Variants in DMC1 observed in about 807,000 individuals in gnomAD.
DMC1 encodes the protein DNA meiotic recombinase 1.
A neutral mutation model predicts 50.1 loss-of-function variants in DMC1; 27 were observed. The ratio of observed to expected loss-of-function variants is 0.54; its 90% confidence interval spans 0.40 to 0.74. DMC1 has a LOEUF of 0.74. Among genes scored for constraint, DMC1 ranks in the 30% least tolerant of loss-of-function variants. DMC1 has a pLI of 0.00. For synonymous variants in DMC1, 148 were observed against 136.1 expected (o/e 1.09, Z -0.61); for missense variants, 295 against 420.2 (o/e 0.70, Z 2.60).
At chr22:38,549,129 G>T (rs1287595901) in intron 8 of DMC1, among the ~76,000 whole-genome samples, 1 of 152,042 alleles carries the variant, frequency 6.6e-6, no homozygotes, top group African/African-American at 2.4e-5. Flanking sequence ...AAAGTATCCA[G>T]TTTACACCCA....
intron 8 of DMC1, among the ~76,000 whole-genome samples, chr22:38,547,546 G>GT (rs796715582): frequency 0.013 from 1,845 of 142,778 alleles, 34 homozygotes; most frequent in African/African-American, 0.042. Flanking sequence ...ATTTGTTTTT[G>GT]TTTTTTTTTT....
chr22:38,564,398 C>T (rs369493157), intron 4 of DMC1, among the ~76,000 whole-genome samples: 1 of 152,084 alleles, frequency 6.6e-6, no homozygotes, highest in African/African-American at 2.4e-5. Flanking sequence ...CAACCTCTGC[C>T]TCTCAGTTTC....
At chr22:38,520,422 A>C (rs1447533890) in intron 13 of DMC1, among the ~76,000 whole-genome samples, 1 of 151,322 alleles carries the variant, frequency 6.6e-6, no homozygotes, top group East Asian at 1.9e-4. Context: ...CAATGGTGAG[A>C]TCTCGTCTCA....
At chr22:38,560,173 G>C (rs750621393) in intron 5 of DMC1, among the ~76,000 whole-genome samples, 1 of 152,140 alleles carries the variant, frequency 6.6e-6, no homozygotes, top group Non-Finnish European at 1.5e-5. Context: ...GTCAAATAAA[G>C]TGATCAGAGA....
At chr22:38,510,493 T>C in the DMC1 span, among the ~76,000 whole-genome samples, 3 of 152,122 alleles carry the variant, frequency 2.0e-5, no homozygotes, top group African/African-American at 7.2e-5. Flanking sequence ...TCTAGAGCGC[T>C]GAATGACAAG....
chr22:38,545,411 A>AAAAAC (rs2090332461), intron 8 of DMC1, among the ~76,000 whole-genome samples: 2 of 152,144 alleles, frequency 1.3e-5, no homozygotes, highest in African/African-American at 4.8e-5. Context: ...ACCCTGTCCC[A>AAAAAC]AAAACAAAAC....
At chr22:38,525,661 C>T (rs1231906159) in intron 12 of DMC1, among the ~76,000 whole-genome samples, 2 of 152,180 alleles carry the variant, frequency 1.3e-5, no homozygotes, top group East Asian at 3.9e-4. Flanking sequence ...AGGAATGAGG[C>T]TGGGCAGAGT....
At chr22:38,564,315 T>C (rs1024281836) in intron 4 of DMC1, among the ~76,000 whole-genome samples, 2 of 152,028 alleles carry the variant, frequency 1.3e-5, no homozygotes, top group Non-Finnish European at 2.9e-5. Flanking sequence ...CTCTCTCTCT[T>C]TTTTTTTCTT....
At chr22:38,538,232 G>C in intron 11 of DMC1, 63 bp downstream of exon 11, 2 of 1,368,450 alleles carry the variant, frequency 1.5e-6, no homozygotes, top group East Asian at 4.6e-5. Context: ...TATATTCCAA[G>C]CTTCTCTGCA....
At chr22:38,538,709 G>C in intron 9 of DMC1, 97 bp from the exon 10 acceptor site, 1 of 1,091,328 alleles carries the variant, frequency 9.2e-7, no homozygotes, top group Non-Finnish European at 1.4e-6. Context: ...TAAATTCCTT[G>C]AAGGATTTTC....
intron 5 of DMC1, among the ~76,000 whole-genome samples, chr22:38,559,233 G>A (rs1309296647): frequency 6.6e-6 from 1 of 152,118 alleles, no homozygotes; most frequent in African/African-American, 2.4e-5. Flanking sequence ...GTTTCTCCAT[G>A]TTGGTTAGGC....
At chr22:38,541,641 A>G (rs1440126122) in intron 8 of DMC1, among the ~76,000 whole-genome samples, 1 of 152,130 alleles carries the variant, frequency 6.6e-6, no homozygotes, top group East Asian at 1.9e-4. Context: ...TGTAATTTTG[A>G]GTTGGTCTGG....
At chr22:38,529,064 G>A (rs1389270669) in intron 12 of DMC1, among the ~76,000 whole-genome samples, 1 of 151,712 alleles carries the variant, frequency 6.6e-6, no homozygotes, top group Non-Finnish European at 1.5e-5. Flanking sequence ...AGGCTGGAGT[G>A]CAGTGGCACC....
At chr22:38,568,697 A>G (rs1355742139) in intron 1 of DMC1, among the ~76,000 whole-genome samples, 3 of 152,172 alleles carry the variant, frequency 2.0e-5, no homozygotes, top group African/African-American at 2.4e-5. Context: ...CCTTGACATT[A>G]TATCATTCTT....
chr22:38,566,573 G>T lies in DMC1; in HGVS notation c.243+17C>A, dbSNP rs530874744. On this transcript the variant is annotated intron_variant, in intron 4 of 13. Transcript: ENST00000216024. ...GGCCCTGCCAAGCTAAAACAGCAAA[G>T]AATGGATTTTGCTTACAATTAGTTT... 2.5e-6 allele frequency: 4 copies of T among 1,613,836 alleles called. No individual in the cohort carries two copies. In the South Asian group the frequency reaches 3.3e-5, roughly 13 times the overall value.
chr22:38,510,123 C>T, the DMC1 span, among the ~76,000 whole-genome samples: 4 of 151,210 alleles, frequency 2.6e-5, no homozygotes, highest in South Asian at 2.1e-4. Flanking sequence ...GCAGGAGAAT[C>T]GCTTGAATTG....
At chr22:38,536,368 T>G (rs1231658911) in intron 12 of DMC1, among the ~76,000 whole-genome samples, 3 of 152,200 alleles carry the variant, frequency 2.0e-5, no homozygotes, top group African/African-American at 7.2e-5. Flanking sequence ...AGACACATAA[T>G]GCTCAAAATT....
chr22:38,525,503 G>A (rs947856872), intron 12 of DMC1, among the ~76,000 whole-genome samples: 5 of 152,044 alleles, frequency 3.3e-5, no homozygotes, highest in African/African-American at 1.2e-4. Context: ...GGTACCCAAT[G>A]TGCAAAAAAG....
At chr22:38,555,988 C>T (rs1363685574) in intron 5 of DMC1, among the ~76,000 whole-genome samples, 10 of 151,926 alleles carry the variant, frequency 6.6e-5, no homozygotes, top group South Asian at 2.1e-4. Flanking sequence ...CCTGCCACCA[C>T]GCCAGGCTAA....
Sources: gnomAD v4.1 joint callset for allele counts (sites outside exome capture counted in the v4.1 genomes callset) on GRCh38, gnomAD v4.1.1 for gene constraint, MANE v1.5 for transcripts, NCBI Gene and HGNC (gene_info 2026-07-23, HGNC 2026-07-21) for gene names.